GRIK4: variants seen among roughly 807,000 people sequenced by gnomAD.
GRIK4 encodes the protein glutamate ionotropic receptor kainate type subunit 4.
GRIK4 carries 40 observed loss-of-function variants against 104.9 expected under a neutral mutation model. The observed-to-expected ratio is 0.38, with a 90% CI of 0.30 to 0.50. The LOEUF is 0.50. Among genes scored for constraint, GRIK4 ranks in the 20% least tolerant of loss-of-function variants. GRIK4 has a pLI of 0.93. For missense variants in GRIK4, 1,047 were observed against 1,308.1 expected, an observed-to-expected ratio of 0.80 and a Z score of 3.08; for synonymous variants, 485 against 524.9, an observed-to-expected ratio of 0.92 and a Z score of 1.04.
chr11:120,852,574 C>T (rs1591990804), intron 8 of GRIK4, among the ~76,000 whole-genome samples: 1 of 152,092 alleles, frequency 6.6e-6, no homozygotes, highest in East Asian at 1.9e-4. Flanking sequence ...GGAGAAGAAT[C>T]CAAAGCTGGG....
In GRIK4 at chr11:120,986,069, G is replaced by C; in HGVS notation, c.2680G>C (p.Gly894Arg). ...GACGCTCAGCAACGGGAAGCTGTGC[G>C]GGGCAGGGGAGCCCGACCAGCTCGC... ...TATLSNGKLC[G>R]AGEPDQLAQR... Residue 894 changes from glycine to arginine, a missense_variant, in exon 21 of 21, where the codon GGG becomes CGG. By Grantham distance (125) the Gly-to-Arg change is moderately radical (BLOSUM62 -2). Coordinates refer to ENST00000527524, the MANE Select transcript of GRIK4 (RefSeq NM_014619.5). The C allele has an allele frequency of 6.6e-7, 1 of 1,512,320 alleles. No individual in the cohort carries two copies. Among genetic ancestry groups the C allele is most frequent in the East Asian group, 2.7e-5 (1 of 37,026 alleles). 93.7% of individuals were successfully genotyped at this position (1,512,320 alleles called of 1,614,324 possible). A position where few individuals can be genotyped will look rare whatever the true frequency, so the allele number is the denominator to read the frequency against.
chr11:120,646,016 G>T (rs1459162823), intron 1 of GRIK4, among the ~76,000 whole-genome samples: 5 of 152,188 alleles, frequency 3.3e-5, no homozygotes, highest in African/African-American at 1.2e-4. Context: ...CCGTTCCATA[G>T]CAGGGATGTT....
At chr11:120,829,225 C>T (rs1276841588) in intron 6 of GRIK4, among the ~76,000 whole-genome samples, 2 of 152,270 alleles carry the variant, frequency 1.3e-5, no homozygotes, top group East Asian at 1.9e-4. Context: ...GCACCAGCTC[C>T]GTGGCCTCCC....
chr11:120,601,330 C>T (rs1448454301), intron 1 of GRIK4, among the ~76,000 whole-genome samples: 6 of 151,844 alleles, frequency 4.0e-5, no homozygotes, highest in Non-Finnish European at 8.8e-5. Flanking sequence ...CACTGGAACT[C>T]GGGAGGTGGC....
intron 1 of GRIK4, among the ~76,000 whole-genome samples, chr11:120,546,613 C>A (rs553754902): frequency 6.6e-6 from 1 of 152,246 alleles, no homozygotes; most frequent in Non-Finnish European, 1.5e-5. Context: ...GGGAGTCTTG[C>A]CCCACAGAGT....
At chr11:120,653,178 A>G (rs1013864147) in intron 1 of GRIK4, among the ~76,000 whole-genome samples, 1 of 152,256 alleles carries the variant, frequency 6.6e-6, no homozygotes, top group African/African-American at 2.4e-5. Flanking sequence ...GTGAATAAGC[A>G]TGTTAAAGCT....
intron 1 of GRIK4, among the ~76,000 whole-genome samples, chr11:120,590,302 G>A (rs1948719192): frequency 1.3e-5 from 2 of 152,166 alleles, no homozygotes; most frequent in African/African-American, 4.8e-5. Context: ...GCAGGCCTTA[G>A]CACTGAATTC....
intron 1 of GRIK4, among the ~76,000 whole-genome samples, chr11:120,528,358 G>A (rs368516239): frequency 2.6e-5 from 4 of 152,268 alleles, no homozygotes; most frequent in South Asian, 4.1e-4. Context: ...TGATCTGCCC[G>A]CCTTGGCCTC....
chr11:120,820,084 T>G (rs1953071139), intron 6 of GRIK4, among the ~76,000 whole-genome samples, 164 bp downstream of exon 6: 1 of 45,910 alleles, frequency 2.2e-5, no homozygotes, highest in Non-Finnish European at 4.3e-5. Context: ...CATGTGTCCG[T>G]GTGTGTGTGT....
chr11:120,933,975 C>T (rs372806457), intron 13 of GRIK4, among the ~76,000 whole-genome samples: 10 of 152,012 alleles, frequency 6.6e-5, no homozygotes, highest in Non-Finnish European at 1.2e-4. Flanking sequence ...GAGGCCAAGG[C>T]GGGTGGATCA....
At chr11:120,770,130 C>T (rs959671078) in intron 3 of GRIK4, among the ~76,000 whole-genome samples, 2 of 152,170 alleles carry the variant, frequency 1.3e-5, no homozygotes, top group East Asian at 3.8e-4. Context: ...GAAACACTTA[C>T]TAGCTTTGCA....
chr11:120,863,014 C>T (rs552992773), intron 9 of GRIK4, among the ~76,000 whole-genome samples: 1 of 152,318 alleles, frequency 6.6e-6, no homozygotes, highest in Non-Finnish European at 1.5e-5. Flanking sequence ...CCCAGGGTCA[C>T]ATAGCCAGTG....
chr11:120,818,834 G>C (rs982495423), intron 5 of GRIK4, among the ~76,000 whole-genome samples: 9 of 152,146 alleles, frequency 5.9e-5, no homozygotes, highest in Non-Finnish European at 1.2e-4. Context: ...GATCTTCCTT[G>C]CTTTAACATC....
chr11:120,521,355 C>T lies in GRIK4; in HGVS notation c.-159+9468C>T, dbSNP rs577787198. On this transcript the variant is annotated intron_variant, in intron 1 of 20. Transcript: ENST00000527524. ...CAAAAGTGCTGGGATTACAGGTGTGCGCCACCACGCCCGGCCCACAATGCC... is the reference window on the plus strand; with the variant it reads ...CAAAAGTGCTGGGATTACAGGTGTGTGCCACCACGCCCGGCCCACAATGCC... Among the ~76,000 whole-genome samples, 11 of 152,162 alleles carry T rather than the reference C, an allele frequency of 7.2e-5. No individual in the cohort carries two copies. In the East Asian group the frequency reaches 7.7e-4, roughly 11 times the overall value.
intron 11 of GRIK4, among the ~76,000 whole-genome samples, chr11:120,897,694 A>T (rs1489575280): frequency 1.3e-5 from 2 of 151,628 alleles, no homozygotes; most frequent in Admixed American, 1.3e-4. Flanking sequence ...AACAAAACAC[A>T]ATAGAGAGAG....
At chr11:120,787,244 G>A (rs1036335433) in intron 3 of GRIK4, among the ~76,000 whole-genome samples, 26 of 151,982 alleles carry the variant, frequency 1.7e-4, no homozygotes, top group East Asian at 1.4e-3. Flanking sequence ...CAGGAAGATC[G>A]CTTGAGCCCG....
chr11:120,982,078 T>A (rs1944661734), intron 19 of GRIK4, 28 bp from the exon 20 acceptor site: 10 of 1,322,650 alleles, frequency 7.6e-6, no homozygotes, highest in Non-Finnish European at 1.1e-5. Context: ...TTTTACAATA[T>A]TTTTCATTTG....
intron 4 of GRIK4, among the ~76,000 whole-genome samples, chr11:120,814,038 C>T (rs1040497293): frequency 6.6e-6 from 1 of 152,190 alleles, no homozygotes; most frequent in East Asian, 1.9e-4. Flanking sequence ...AGATTCTCTC[C>T]CCCTCCTCTG....
rs116639755 is a variant in GRIK4, at chr11:120,877,148, T to C, written c.1164+1905T>C. 4.2e-3 allele frequency among the ~76,000 whole-genome samples: 635 copies of C among 152,330 alleles called. 1 individual carries two copies. The highest frequency in any genetic ancestry group is 0.014 in the African/African-American group (595 of 41,566). Reference sequence around the variant, plus strand: ...CTCGTATCTCTGGGGCAGAGCTGCATTGTCTGTAAGCAATAACAGCTACCA... The same window carrying C: ...CTCGTATCTCTGGGGCAGAGCTGCACTGTCTGTAAGCAATAACAGCTACCA... On this transcript the variant is annotated intron_variant, in intron 11 of 20. Transcript: ENST00000527524.
Sources: allele counts gnomAD v4.1 joint callset (sites outside exome capture counted in the v4.1 genomes callset), GRCh38; gene constraint gnomAD v4.1.1; transcripts MANE v1.5; gene names NCBI Gene and HGNC (gene_info 2026-07-23, HGNC 2026-07-21).